The following FBXL7 variants were observed in gnomAD, a reference collection of about 807,000 sequenced individuals.
The protein encoded by FBXL7 is F-box/LRR-repeat protein 7.
In FBXL7, 12 loss-of-function variants were observed where a neutral mutation model predicts 38.3. That is an observed-to-expected ratio of 0.31 (90% CI 0.20 to 0.51). The LOEUF (loss-of-function observed/expected upper bound fraction) is 0.51. FBXL7 is among the 20% of genes least tolerant of loss of function. The pLI, the probability that FBXL7 is intolerant of heterozygous loss-of-function variation, is 0.98. For synonymous variants in FBXL7, 297 were observed against 300.9 expected (o/e 0.99, Z 0.13); for missense variants, 567 against 676.4 (o/e 0.84, Z 1.79).
At chr5:15,844,077 C>T (rs187183641) in intron 2 of FBXL7, among the ~76,000 whole-genome samples, 64 of 152,030 alleles carry the variant, frequency 4.2e-4, no homozygotes, top group Admixed American at 3.3e-3. Flanking sequence ...TGCCTGAAGA[C>T]GCTACTCCCA....
intron 1 of FBXL7, among the ~76,000 whole-genome samples, chr5:15,555,215 C>T (rs1738195416): frequency 6.6e-6 from 1 of 152,196 alleles, no homozygotes; most frequent in Non-Finnish European, 1.5e-5. Flanking sequence ...GACAGACAGA[C>T]ACACACACCC....
chr5:15,792,368 G>T (rs534508162), intron 2 of FBXL7, among the ~76,000 whole-genome samples: 1 of 152,284 alleles, frequency 6.6e-6, no homozygotes, highest in East Asian at 1.9e-4. Context: ...AACCCAGCAA[G>T]ATGTATTCCT....
At chr5:15,698,316 G>A (rs191161061) in intron 2 of FBXL7, among the ~76,000 whole-genome samples, 67 of 152,264 alleles carry the variant, frequency 4.4e-4, no homozygotes, top group African/African-American at 1.6e-3. Context: ...TTAACCCTGA[G>A]TTTACTAAGT....
chr5:15,519,601 C>T (rs535858746), intron 1 of FBXL7, among the ~76,000 whole-genome samples: 6 of 152,212 alleles, frequency 3.9e-5, no homozygotes, highest in South Asian at 4.2e-4. Context: ...CACCATTTGA[C>T]GGAAGGAAGT....
chr5:15,713,634 AT>A (rs1356780465), intron 2 of FBXL7, among the ~76,000 whole-genome samples: 3 of 152,188 alleles, frequency 2.0e-5, no homozygotes, highest in Non-Finnish European at 4.4e-5. Context: ...CAGTAGCATG[AT>A]TTTTTGTTAG....
At chr5:15,718,732 C>T (rs2126650036) in intron 2 of FBXL7, among the ~76,000 whole-genome samples, 1 of 152,286 alleles carries the variant, frequency 6.6e-6, no homozygotes, top group South Asian at 2.1e-4. Flanking sequence ...GTTGAAAAAA[C>T]ATAAATGACC....
chr5:15,762,834 A>G (rs574729991), intron 2 of FBXL7, among the ~76,000 whole-genome samples: 1 of 152,260 alleles, frequency 6.6e-6, no homozygotes, highest in South Asian at 2.1e-4. Context: ...GTCTTCCTAA[A>G]CAGTTTATGC....
At chr5:15,668,099 C>T (rs572894382) in intron 2 of FBXL7, among the ~76,000 whole-genome samples, 193 of 152,314 alleles carry the variant, frequency 1.3e-3, no homozygotes, top group African/African-American at 4.5e-3. Context: ...ACTGCAGATC[C>T]AACCTGATGA....
intron 1 of FBXL7, among the ~76,000 whole-genome samples, chr5:15,579,960 G>A (rs1201574774): frequency 1.3e-5 from 2 of 152,154 alleles, no homozygotes; most frequent in Non-Finnish European, 2.9e-5. Flanking sequence ...ATGACAGCCT[G>A]GGAGGTCATG....
intron 2 of FBXL7, among the ~76,000 whole-genome samples, chr5:15,883,227 C>T (rs902336311): frequency 6.6e-6 from 1 of 152,198 alleles, no homozygotes; most frequent in Non-Finnish European, 1.5e-5. Flanking sequence ...GGTATAGATG[C>T]TGCCTAAAAG....
At chr5:15,687,693 A>G (rs1344985049) in intron 2 of FBXL7, among the ~76,000 whole-genome samples, 2 of 152,242 alleles carry the variant, frequency 1.3e-5, no homozygotes, top group African/African-American at 4.8e-5. Flanking sequence ...CAGTGAGGAC[A>G]GTGAGGAAAT....
At chr5:15,821,981 G>C (rs1738181722) in intron 2 of FBXL7, among the ~76,000 whole-genome samples, 1 of 152,084 alleles carries the variant, frequency 6.6e-6, no homozygotes, top group African/African-American at 2.4e-5. Flanking sequence ...ACCAAGCTCT[G>C]TTTGCTGCCT....
At chr5:15,576,755 G>A (rs971836043) in intron 1 of FBXL7, among the ~76,000 whole-genome samples, 15 of 151,894 alleles carry the variant, frequency 9.9e-5, no homozygotes, top group Non-Finnish European at 1.9e-4. Flanking sequence ...GTAGTTGGCC[G>A]CCTGAGGTTT....
At chr5:15,850,458 C>G (rs1478572436) in intron 2 of FBXL7, among the ~76,000 whole-genome samples, 1 of 152,126 alleles carries the variant, frequency 6.6e-6, no homozygotes, top group African/African-American at 2.4e-5. Flanking sequence ...GTAAATCAGC[C>G]CTGGGTCTTT....
At chr5:15,537,498 A>G (rs1737618829) in intron 1 of FBXL7, among the ~76,000 whole-genome samples, 1 of 152,236 alleles carries the variant, frequency 6.6e-6, no homozygotes, top group South Asian at 2.1e-4. Context: ...AGAGAATACA[A>G]AAGTGGATAT....
chr5:15,699,485 G>A (rs778873746), intron 2 of FBXL7, among the ~76,000 whole-genome samples: 87 of 152,166 alleles, frequency 5.7e-4, no homozygotes, highest in African/African-American at 1.7e-3. Context: ...AGAACCCGTC[G>A]TATTGGATTA....
At chr5:15,765,635 G>A (rs1252480352) in intron 2 of FBXL7, among the ~76,000 whole-genome samples, 2 of 152,078 alleles carry the variant, frequency 1.3e-5, no homozygotes, top group African/African-American at 2.4e-5. Flanking sequence ...TTTCATGTGC[G>A]GGGAATGATA....
At chr5:15,629,636 A>G (rs935330846) in intron 2 of FBXL7, among the ~76,000 whole-genome samples, 1 of 152,108 alleles carries the variant, frequency 6.6e-6, no homozygotes, top group Admixed American at 6.5e-5. Context: ...AGTTTTGTGT[A>G]TGCTTCCTGC....
At chr5:15,608,968 A>G (rs900332791) in intron 1 of FBXL7, among the ~76,000 whole-genome samples, 28 of 152,174 alleles carry the variant, frequency 1.8e-4, no homozygotes, top group Non-Finnish European at 2.8e-4. Context: ...TGGCAATGAA[A>G]CAAGACTTAG....
Sources: gnomAD v4.1 joint callset for allele counts (sites outside exome capture counted in the v4.1 genomes callset) on GRCh38, gnomAD v4.1.1 for gene constraint, MANE v1.5 for transcripts, NCBI Gene and HGNC (gene_info 2026-07-23, HGNC 2026-07-21) for gene names.